The following SNRNP70 variants were observed in gnomAD, a reference collection of about 807,000 sequenced individuals.
SNRNP70 encodes small nuclear ribonucleoprotein U1 subunit 70.
SNRNP70 carries 8 observed loss-of-function variants against 50.5 expected under a neutral mutation model. The observed-to-expected ratio is 0.16, with a 90% CI of 0.09 to 0.29. The LOEUF is 0.29. Among genes scored for constraint, SNRNP70 ranks in the 10% least tolerant of loss-of-function variants. The pLI is 1.00. For missense variants in SNRNP70, 529 were observed against 663.5 expected (o/e 0.80, Z 2.23); for synonymous variants, 320 against 252.9 (o/e 1.27, Z -2.52).
chr19:49,098,776 G>A, intron 6 of SNRNP70, 72 bp downstream of exon 6: 1 of 1,250,906 alleles, frequency 8.0e-7, no homozygotes, highest in Non-Finnish European at 1.2e-6. Context: ...GAGGGAGGGA[G>A]AGAGGTCCCA....
At position 49,088,498 on chromosome 19, in the gene SNRNP70, C is replaced by T. The variant is rs1447111445; in HGVS notation, c.148-1793C>T. Among the ~76,000 whole-genome samples, 4 of 99,508 alleles carry T rather than the reference C, an allele frequency of 4.0e-5. No homozygotes were observed. The East Asian group carries it at 8.9e-4, about 22-fold the overall frequency. 65.3% of individuals were successfully genotyped at this position (99,508 alleles called of 152,430 possible). A position where few individuals can be genotyped will look rare whatever the true frequency, so the allele number is the denominator to read the frequency against. ...ACAGACGTGAGCCACCGCACCCGAC[C>T]TTTTTTTTTTTTTTTTGAGATGGAG... On this transcript the variant is annotated intron_variant, in intron 2 of 9. Transcript: ENST00000598441.
intron 2 of SNRNP70, among the ~76,000 whole-genome samples, chr19:49,089,712 G>A (rs2040424928): frequency 1.5e-5 from 2 of 134,870 alleles, no homozygotes. Context: ...GTGCAGGCTG[G>A]AGTGCAGTGG....
chr19:49,101,962 A>C (rs572320855), intron 7 of SNRNP70, among the ~76,000 whole-genome samples: 1 of 137,420 alleles, frequency 7.3e-6, no homozygotes, highest in African/African-American at 2.7e-5. Flanking sequence ...GTGGGGTGAT[A>C]GGCATGTTGA....
At chr19:49,105,042 C>T (rs952755557) in intron 8 of SNRNP70, among the ~76,000 whole-genome samples, 6 of 152,250 alleles carry the variant, frequency 3.9e-5, no homozygotes, top group Middle Eastern at 6.8e-3. Context: ...GAAATAACCC[C>T]GAGTTCACTG....
rs772292944 is a variant in SNRNP70, at chr19:49,108,268, G to A, written c.1139G>A (p.Arg380Gln). The stretch of plus-strand genomic sequence containing the variant: ...CGTGACCGTGACCGCGAGCACAAAC[G>A]GGGGGAGCGGGGCAGTGAGCGGGGC... ...RDRDRDREHKRGERGSERGRD... is the reference protein window; with the variant it reads ...RDRDRDREHKQGERGSERGRD... The change falls in exon 10 of 10, where the codon CGG (arginine) becomes CAG (glutamine). Residue 380 changes from arginine to glutamine, a missense_variant. Transcript: ENST00000598441. 2.6e-6 allele frequency: 4 copies of A among 1,555,038 alleles called. No individual in the cohort carries two copies. Among genetic ancestry groups the A allele is most frequent in the Non-Finnish European group, 3.5e-6 (4 of 1,150,284 alleles).
chr19:49,093,328 TGCCC>T (rs1043118282), intron 4 of SNRNP70, among the ~76,000 whole-genome samples: 1 of 151,780 alleles, frequency 6.6e-6, no homozygotes, highest in Non-Finnish European at 1.5e-5. Context: ...TCAGGTGATC[TGCCC>T]GCCTCGGTCT....
Position 49,108,107 on chromosome 19 carries a change from C to T in SNRNP70, c.978C>T (p.Pro326=), listed in dbSNP as rs1354305082. ...AGCCCTCCGAGGCGGGTGACGCGCC[C>T]CCTGATGATGGGCCTCCAGGGGAGC... ...MAEPSEAGDA[P]PDDGPPGELG... The change falls in exon 10 of 10, where the codon CCC becomes CCT. Residue 326 remains proline (P), a synonymous_variant. Transcript: ENST00000598441. 1.3e-6 allele frequency: 2 copies of T among 1,550,076 alleles called. No individual in the cohort carries two copies. The highest frequency in any genetic ancestry group is 2.7e-5 in the African/African-American group (2 of 73,666).
At chr19:49,088,685 C>T (rs1034927671) in intron 2 of SNRNP70, among the ~76,000 whole-genome samples, 58 of 151,110 alleles carry the variant, frequency 3.8e-4, no homozygotes, top group African/African-American at 1.0e-3. Flanking sequence ...TTTGTAAAGA[C>T]GGGGTTTCAC....
rs2040365141 is a variant in SNRNP70 at position 49,085,524 on chromosome 19, C to T, written c.-123C>T. On this transcript the variant is annotated 5_prime_UTR_variant, in exon 1 of 10. In the 5' UTR this introduces an upstream ATG that the reference lacks. Transcript: ENST00000598441. Reference sequence around the variant, plus strand: ...TCGCTTAGCGGGCGACGGAATCAGACGGACGTGGACGCCCCCGGAGTGGAA... The same window carrying T: ...TCGCTTAGCGGGCGACGGAATCAGATGGACGTGGACGCCCCCGGAGTGGAA... 10 of 455,488 alleles carry T rather than the reference C, an allele frequency of 2.2e-5. No individual in the cohort carries two copies. The highest frequency in any genetic ancestry group is 3.2e-4 in the Middle Eastern group (1 of 3,088). 28.2% of individuals were successfully genotyped at this position (455,488 alleles called of 1,614,324 possible).
Position 49,108,014 on chromosome 19 carries a change from T to TCGGGAGCGGGCCCGG in SNRNP70, c.896_910dup (p.Ala299_Arg303dup). ...ACCGGAAGCGGCGAAGCAGCCGGAGTCGGGAGCGGGCCCGGCGGGAGCGGG... is the reference window on the plus strand; with the variant it reads ...ACCGGAAGCGGCGAAGCAGCCGGAGTCGGGAGCGGGCCCGGCGGGAGCGGGCCCGGCGGGAGCGGG... On this transcript the variant is annotated inframe_insertion, in exon 10 of 10. Transcript: ENST00000598441. 6.5e-7 allele frequency: 1 copy of TCGGGAGCGGGCCCGG among 1,545,102 alleles called. No homozygotes were observed. Among genetic ancestry groups the TCGGGAGCGGGCCCGG allele is most frequent in the Non-Finnish European group, 8.7e-7 (1 of 1,145,622 alleles).
intron 7 of SNRNP70, chr19:49,103,858 C>CG (rs1433287422): frequency 3.3e-5 from 5 of 152,408 alleles, no homozygotes; most frequent in African/African-American, 1.2e-4. Flanking sequence ...GGCTGGGGTG[C>CG]GCTCCCAGCA....
Position 49,101,635 on chromosome 19 carries a change from G to A in SNRNP70, c.475+164G>A. ...ATGTATCTTTTTTTTTTTTATATAC[G>A]TGTTTTTTAAAAAACAAAAACCAAA... On this transcript the variant is annotated intron_variant, in intron 7 of 9. Coordinates refer to ENST00000598441, the MANE Select transcript of SNRNP70 (RefSeq NM_003089.6). The A allele has an allele frequency of 6.6e-6, 4 of 603,968 alleles. No homozygotes were observed. The South Asian group carries it at 7.9e-5, about 12-fold the overall frequency. The allele number at this position is 603,968 out of a possible 1,614,324, so 37.4% of individuals were successfully genotyped here.
In SNRNP70 at chr19:49,104,683, T is replaced by C. The variant is rs746191910; in HGVS notation, c.525T>C (p.Leu175=). Residue 175 remains leucine (L), a synonymous_variant, in exon 8 of 10, where the codon CTT becomes CTC. Coordinates refer to ENST00000598441, the MANE Select transcript of SNRNP70 (RefSeq NM_003089.6). This position sits in a 1 kb window ranked among gnomAD's most constrained non-coding sequence, Gnocchi z 5.4. ...AGAAGATTGATGGCAGGAGGGTCCT[T>C]GTGGACGTGGAGAGGGGCCGAACCG... The part of the protein sequence containing the change: ...DGKKIDGRRV[L]VDVERGRTVK... 3 of 1,561,630 alleles carry C rather than the reference T, an allele frequency of 1.9e-6. No homozygotes were observed. Among genetic ancestry groups the C allele is most frequent in the Non-Finnish European group, 2.6e-6 (3 of 1,152,702 alleles).
At chr19:49,106,377 GT>G (rs1485916162) in intron 8 of SNRNP70, among the ~76,000 whole-genome samples, 1 of 152,156 alleles carries the variant, frequency 6.6e-6, no homozygotes, top group Admixed American at 6.5e-5. Context: ...TGAGGAAACA[GT>G]TTTTTCTATG....
rs749268535 is a variant in SNRNP70 at position 49,085,466 on chromosome 19, C to CCG, written c.-176_-175dup. ...CCCCTGCTCCAGTCGCTATCGGAGG[C>CCG]CGCGCGGGTGGCTGAGCAGCGGCCT... On this transcript the variant is annotated 5_prime_UTR_variant, in exon 1 of 10. Transcript: ENST00000598441. The CCG allele has an allele frequency of 1.4e-5, 6 of 433,500 alleles. No homozygotes were observed. The highest frequency in any genetic ancestry group is 4.1e-5 in the African/African-American group (2 of 49,216). The allele number at this position is 433,500 out of a possible 1,614,324, so 26.9% of individuals were successfully genotyped here. A position where few individuals can be genotyped will look rare whatever the true frequency, so the allele number is the denominator to read the frequency against.
intron 8 of SNRNP70, among the ~76,000 whole-genome samples, chr19:49,106,627 A>G (rs2040672502): frequency 1.3e-5 from 2 of 152,188 alleles, no homozygotes; most frequent in Non-Finnish European, 2.9e-5. Flanking sequence ...TTTTCCAGGC[A>G]GTGCGAGATA....
chr19:49,095,258 T>C (rs928889977), intron 4 of SNRNP70, among the ~76,000 whole-genome samples: 3 of 152,268 alleles, frequency 2.0e-5, no homozygotes, highest in Admixed American at 6.5e-5. Context: ...TCAGCTGTTG[T>C]TTGGCCTTCG....
At chr19:49,102,713 C>T (rs2040605279) in intron 7 of SNRNP70, 1 of 154,814 alleles carries the variant, frequency 6.5e-6, no homozygotes, top group Non-Finnish European at 1.4e-5. Context: ...TCAGGAGCTC[C>T]CTAAAGTGCA....
chr19:49,085,653 G>T lies in SNRNP70; in HGVS notation c.-11+17G>T. 1 of 455,930 alleles carries T rather than the reference G, an allele frequency of 2.2e-6. No homozygotes were observed. Among genetic ancestry groups the T allele is most frequent in the South Asian group, 1.5e-5 (1 of 64,542 alleles). The allele number at this position is 455,930 out of a possible 1,614,324, so 28.2% of individuals were successfully genotyped here. A position where few individuals can be genotyped will look rare whatever the true frequency, so the allele number is the denominator to read the frequency against. On this transcript the variant is annotated intron_variant, in intron 1 of 9. Coordinates refer to ENST00000598441, the MANE Select transcript of SNRNP70 (RefSeq NM_003089.6). ...CGCTACGCGGTGAGTGAGTGTGACT[G>T]AGTGGCCCGACGGGGTGCGGGGCCG...
Sources: allele counts gnomAD v4.1 joint callset (sites outside exome capture counted in the v4.1 genomes callset), GRCh38; gene constraint gnomAD v4.1.1; non-coding constraint Gnocchi (gnomAD v3.1); transcripts MANE v1.5; gene names NCBI Gene and HGNC (gene_info 2026-07-23, HGNC 2026-07-21).